B4GALT6: variants seen among roughly 807,000 people sequenced by gnomAD.
B4GALT6 encodes UDP-Gal:beta-GlcNAc beta-1,4-galactosyltransferase 6.
Under a neutral mutation model 46.3 loss-of-function variants are expected in B4GALT6, and 14 were observed. The ratio of observed to expected loss-of-function variants is 0.30; its 90% confidence interval spans 0.20 to 0.47. The LOEUF is 0.47. B4GALT6 is among the 20% of genes least tolerant of loss of function. The pLI, the probability that B4GALT6 is intolerant of heterozygous loss-of-function variation, is 0.99. For missense variants in B4GALT6, 386 were observed against 480.1 expected, an observed-to-expected ratio of 0.80 and a Z score of 1.83; for synonymous variants, 168 against 162.0, an observed-to-expected ratio of 1.04 and a Z score of -0.28.
intron 5 of B4GALT6, 69 bp downstream of exon 5, chr18:31,638,575 T>A: frequency 8.1e-7 from 1 of 1,231,570 alleles, no homozygotes. Flanking sequence ...CCTAAATATG[T>A]TTAATCTAAC....
the B4GALT6 span, among the ~76,000 whole-genome samples, chr18:31,721,418 A>T: frequency 1.3e-5 from 2 of 152,222 alleles, no homozygotes; most frequent in Non-Finnish European, 1.5e-5. Context: ...TAACATATAC[A>T]TTATAAACCA....
chr18:31,664,301 C>G (rs2074257823), intron 2 of B4GALT6, among the ~76,000 whole-genome samples: 1 of 152,186 alleles, frequency 6.6e-6, no homozygotes, highest in African/African-American at 2.4e-5. Flanking sequence ...CACATGAGAA[C>G]AGAAAGCCTC....
chr18:31,625,456 G>A lies in B4GALT6; in HGVS notation c.*158C>T, dbSNP rs891756909. 5.7e-6 allele frequency: 4 copies of A among 700,702 alleles called. No individual in the cohort carries two copies. Among genetic ancestry groups the A allele is most frequent in the Non-Finnish European group, 6.8e-6 (3 of 441,356 alleles). 43.4% of individuals were successfully genotyped at this position (700,702 alleles called of 1,614,324 possible). On this transcript the variant is annotated 3_prime_UTR_variant, in exon 9 of 9. Transcript: ENST00000306851. The stretch of plus-strand genomic sequence containing the variant: ...AGCAGGGAGGACGGGTGAGAGAAGG[G>A]TGACTGTATATAGTCCCACTCTGTA...
chr18:31,704,633 T>C, the B4GALT6 span, among the ~76,000 whole-genome samples: 2 of 152,200 alleles, frequency 1.3e-5, no homozygotes, highest in African/African-American at 4.8e-5. Flanking sequence ...TAATGATGGG[T>C]TGCATTTTTA....
At chr18:31,681,328 GAC>G (rs1303118943) in intron 1 of B4GALT6, among the ~76,000 whole-genome samples, 1 of 152,248 alleles carries the variant, frequency 6.6e-6, no homozygotes, top group Non-Finnish European at 1.5e-5. Context: ...CACAAAGGTA[GAC>G]ACAGAATAAG....
intron 1 of B4GALT6, among the ~76,000 whole-genome samples, chr18:31,674,728 G>T (rs1473730561): frequency 6.6e-6 from 1 of 151,914 alleles, no homozygotes; most frequent in East Asian, 1.9e-4. Flanking sequence ...AATAACAATG[G>T]TGTAAACCCC....
intron 1 of B4GALT6, among the ~76,000 whole-genome samples, chr18:31,674,792 G>A (rs1284129954): frequency 6.6e-6 from 1 of 151,906 alleles, no homozygotes; most frequent in East Asian, 1.9e-4. Flanking sequence ...CTAGGACTAA[G>A]GAAGGTATTA....
the B4GALT6 span, chr18:31,724,415 G>T: frequency 3.7e-6 from 4 of 1,066,672 alleles, no homozygotes; most frequent in Non-Finnish European, 4.6e-6. Flanking sequence ...TGGTCTTCCC[G>T]CTCCTCCGAT....
chr18:31,675,363 C>G (rs1321104244), intron 1 of B4GALT6, among the ~76,000 whole-genome samples: 1 of 152,188 alleles, frequency 6.6e-6, no homozygotes, highest in East Asian at 1.9e-4. Context: ...AAGGGGCCAT[C>G]TGGCTTCCTC....
At chr18:31,688,312 A>G (rs1204280267), upstream of B4GALT6, among the ~76,000 whole-genome samples, 6 of 147,006 alleles carry the variant, frequency 4.1e-5, no homozygotes, top group Non-Finnish European at 7.4e-5. Flanking sequence ...TGTGGTACAG[A>G]TACTTCTCAA....
chr18:31,624,323 A>C lies in B4GALT6; in HGVS notation c.*1291T>G, dbSNP rs904302949. 3 of 152,038 alleles carry C rather than the reference A, an allele frequency of 2.0e-5. No homozygotes were observed. Among genetic ancestry groups the C allele is most frequent in the Non-Finnish European group, 4.4e-5 (3 of 67,894 alleles). 9.4% of individuals were successfully genotyped at this position (152,038 alleles called of 1,614,324 possible). On this transcript the variant is annotated 3_prime_UTR_variant, in exon 9 of 9. Transcript: ENST00000306851. ...AGACATTATAATATCAGCGCACTGAATACTGATCATGTATTTTAAGATAAT... is the reference window on the plus strand; with the variant it reads ...AGACATTATAATATCAGCGCACTGACTACTGATCATGTATTTTAAGATAAT...
At chr18:31,667,627 T>A (rs1010187591) in intron 1 of B4GALT6, among the ~76,000 whole-genome samples, 1 of 152,166 alleles carries the variant, frequency 6.6e-6, no homozygotes, top group Non-Finnish European at 1.5e-5. Context: ...AAAACTTTTC[T>A]TTCACCTCCA....
At chr18:31,684,263 G>A in intron 1 of B4GALT6, 49 bp downstream of exon 1, 16 of 1,609,152 alleles carry the variant, frequency 9.9e-6, no homozygotes, top group Non-Finnish European at 1.4e-5. Flanking sequence ...AACAGCCTGC[G>A]CTGGCTGTGG....
At chr18:31,708,243 G>T in the B4GALT6 span, among the ~76,000 whole-genome samples, 1 of 152,176 alleles carries the variant, frequency 6.6e-6, no homozygotes, top group Non-Finnish European at 1.5e-5. Context: ...TTGTTGACAG[G>T]CATTTCATTT....
At chr18:31,694,899 G>T in the B4GALT6 span, among the ~76,000 whole-genome samples, 5 of 152,032 alleles carry the variant, frequency 3.3e-5, no homozygotes, top group Non-Finnish European at 4.4e-5. Flanking sequence ...AACTGTTAAT[G>T]GTAGAATAAT....
intron 4 of B4GALT6, among the ~76,000 whole-genome samples, chr18:31,642,587 A>G (rs529585642): frequency 6.6e-6 from 1 of 152,330 alleles, no homozygotes; most frequent in South Asian, 2.1e-4. Flanking sequence ...CCTGCATAGC[A>G]TTCTCATGTT....
Position 31,660,881 on chromosome 18 carries a change from C to T in B4GALT6, c.233-2792G>A, listed in dbSNP as rs9957963. On this transcript the variant is annotated intron_variant, in intron 2 of 8. Transcript: ENST00000306851. ...GTAAAATTTAAAAATACAAAAAGAT[C>T]CCAAAAGTCTCCAGAAAAAACTGGT... 1.2e-3 allele frequency among the ~76,000 whole-genome samples: 186 copies of T among 152,090 alleles called. 1 individual carries two copies. Among genetic ancestry groups the T allele is most frequent in the African/African-American group, 4.4e-3 (181 of 41,498 alleles).
intron 4 of B4GALT6, among the ~76,000 whole-genome samples, chr18:31,639,047 C>CTTT (rs1598878933): frequency 1.3e-5 from 2 of 152,118 alleles, no homozygotes; most frequent in African/African-American, 4.8e-5. Context: ...GATGTGGTGA[C>CTTT]TACAAAGACT....
At chr18:31,693,067 A>G in the B4GALT6 span, among the ~76,000 whole-genome samples, 4 of 152,210 alleles carry the variant, frequency 2.6e-5, no homozygotes, top group African/African-American at 9.7e-5. Flanking sequence ...GCTTCCTCAA[A>G]TATTTCCTTA....
Sources: allele counts gnomAD v4.1 joint callset (sites outside exome capture counted in the v4.1 genomes callset), GRCh38; gene constraint gnomAD v4.1.1; transcripts MANE v1.5; gene names NCBI Gene and HGNC (gene_info 2026-07-23, HGNC 2026-07-21).